The following CLCNKB variants were observed in gnomAD, a reference collection of about 807,000 sequenced individuals.
The protein encoded by CLCNKB is chloride voltage-gated channel Kb, also known as chloride channel protein ClC-Kb.
CLCNKB carries 74 observed loss-of-function variants against 83.8 expected under a neutral mutation model. That is an observed-to-expected ratio of 0.88 (90% CI 0.73 to 1.07). The LOEUF (loss-of-function observed/expected upper bound fraction) is 1.07, where lower values mean the gene tolerates loss of function less well. CLCNKB is among the 50% of genes least tolerant of loss of function. The probability of loss-of-function intolerance (pLI) is 0.00; values close to 1 mark genes in which losing one functional copy is unlikely to be tolerated. For synonymous variants in CLCNKB, 358 were observed against 356.6 expected (o/e 1.00, Z -0.04); for missense variants, 798 against 893.6 (o/e 0.89, Z 1.36).
In CLCNKB at chr1:16,057,306, A is replaced by G. The variant is rs1287596974; in HGVS notation, c.*390A>G. On this transcript the variant is annotated 3_prime_UTR_variant, in exon 20 of 20. Transcript: ENST00000375679. ...CCTGAGAAAAATAAAGCTGGTTCCC[A>G]GAGCTGGTGTCCATCCCTCATCTCA... The G allele has an allele frequency of 1.8e-6, 1 of 551,358 alleles. No individual in the cohort carries two copies. The highest frequency in any genetic ancestry group is 3.6e-6 in the Non-Finnish European group (1 of 280,052). 34.2% of individuals were successfully genotyped at this position (551,358 alleles called of 1,614,324 possible).
rs571234167 is a variant in CLCNKB at position 16,053,742 on chromosome 1, G to A, written c.1726G>A (p.Val576Met). ...GGTCAAGGTTGTGACCTCCACAGAC[G>A]TGGCCAAGTATCCCCTGGTGGAGAG... Reference protein sequence around the residue: ...EVVKVVTSTDVAKYPLVESTE... With the variant: ...EVVKVVTSTDMAKYPLVESTE... The change falls in exon 16 of 20, where the codon GTG becomes ATG. Residue 576 changes from valine to methionine, a missense_variant. Transcript: ENST00000375679. 6.8e-6 allele frequency: 11 copies of A among 1,613,920 alleles called. No homozygotes were observed. Among genetic ancestry groups the A allele is most frequent in the East Asian group, 2.2e-5 (1 of 44,874 alleles).
At position 16,048,377 on chromosome 1, in the gene CLCNKB, C is replaced by T. The variant is rs762220388; in HGVS notation, c.533C>T (p.Ala178Val). 17 of 1,613,920 alleles carry T rather than the reference C, an allele frequency of 1.1e-5. No homozygotes were observed. Among genetic ancestry groups the T allele is most frequent in the Non-Finnish European group, 1.3e-5 (15 of 1,180,024 alleles). ...PFVHLSVMMA[A>V]YLGRVRTTTI... ...GTGCACCTGTCTGTGATGATGGCTG[C>T]CTACCTGGGCCGTGTGCGCACCACG... Residue 178 changes from alanine (A) to valine (V), a missense_variant, in exon 6 of 20, where the codon GCC (alanine) becomes GTC (valine). Transcript: ENST00000375679.
chr1:16,054,887 A>G (rs1257727401), intron 16 of CLCNKB, among the ~76,000 whole-genome samples: 2 of 152,182 alleles, frequency 1.3e-5, no homozygotes, highest in African/African-American at 4.8e-5. Context: ...CTAGGTGTCA[A>G]GTTTTTATTC....
intron 3 of CLCNKB, among the ~76,000 whole-genome samples, chr1:16,046,230 A>C (rs1349579438): frequency 6.6e-6 from 1 of 152,214 alleles, no homozygotes; most frequent in African/African-American, 2.4e-5. Flanking sequence ...TTTAGTCTTT[A>C]ACGTCTTTAG....
rs781538663 is a variant in CLCNKB at position 16,051,752 on chromosome 1, T to C, written c.1340T>C (p.Ile447Thr). Residue 447 changes from isoleucine (I) to threonine (T), a missense_variant, in exon 14 of 20, where the codon ATC becomes ACC. Ile to Thr is a moderately conservative substitution (Grantham distance 89). Coordinates refer to ENST00000375679, the MANE Select transcript of CLCNKB (RefSeq NM_000085.5). ...CTCTTTGGGGAGACTCTCTCTTTTA[T>C]CTTCCCTGAGGGCATCGTGGCTGGA... ...GRLFGETLSFIFPEGIVAGGI... is the reference protein window; with the variant it reads ...GRLFGETLSFTFPEGIVAGGI... 9 of 1,613,802 alleles carry C rather than the reference T, an allele frequency of 5.6e-6. No homozygotes were observed. The African/African-American group carries it at 1.2e-4, about 22-fold the overall frequency.
chr1:16,053,991 T>A (rs2023370997), intron 16 of CLCNKB, among the ~76,000 whole-genome samples: 1 of 151,682 alleles, frequency 6.6e-6, no homozygotes, highest in Admixed American at 6.6e-5. Context: ...CTAAAGAGAG[T>A]CGGCCGGGTG....
chr1:16,053,552 TCAAG>T, intron 15 of CLCNKB, 83 bp from the exon 16 acceptor site: 2 of 1,600,684 alleles, frequency 1.2e-6, no homozygotes, highest in South Asian at 2.2e-5. Flanking sequence ...GGTCCCCGGT[TCAAG>T]CAAAGCTCCC....
At chr1:16,053,889 G>A in intron 16 of CLCNKB, 117 bp downstream of exon 16, 1 of 1,379,060 alleles carries the variant, frequency 7.3e-7, no homozygotes, top group Non-Finnish European at 1.0e-6. Flanking sequence ...AACCAACCGT[G>A]TGACCTTGGG....
At position 16,056,519 on chromosome 1, in the gene CLCNKB, C is replaced by T; in HGVS notation, c.2016+11C>T. ...GTGTCCTGGGTGGAGGTACCAGGGT[C>T]CCGGGGGCAGAGCAAAGCAGGGAAC... On this transcript the variant is annotated intron_variant, in intron 19 of 19. Transcript: ENST00000375679. 1.2e-6 allele frequency: 2 copies of T among 1,607,828 alleles called. No homozygotes were observed. Among genetic ancestry groups the T allele is most frequent in the Non-Finnish European group, 8.5e-7 (1 of 1,177,284 alleles).
At chr1:16,052,117 CT>C (rs2023312770) in intron 14 of CLCNKB, 80 bp from the exon 15 acceptor site, 6 of 1,561,656 alleles carry the variant, frequency 3.8e-6, no homozygotes, top group Non-Finnish European at 5.3e-6. Context: ...ACCTTAGCCC[CT>C]GGTCGCAGCC....
chr1:16,045,560 G>T lies in CLCNKB; in HGVS notation c.103G>T (p.Gly35Cys), dbSNP rs1392045264. Residue 35 changes from glycine to cysteine, a missense_variant and splice_region_variant, in exon 3 of 20, where the codon GGC becomes TGC. By Grantham distance (159) the Gly-to-Cys change is radical. Transcript: ENST00000375679. The stretch of plus-strand genomic sequence containing the variant: ...CGTGACCCCATGCCCTGCCCCAGGT[G>T]GCCTGGAGTGGCTGAAGCAGAAGCT... ...CPRIRRGIRGGLEWLKQKLFR... is the reference protein window; with the variant it reads ...CPRIRRGIRGCLEWLKQKLFR... 2 of 1,613,394 alleles carry T rather than the reference G, an allele frequency of 1.2e-6. No individual in the cohort carries two copies. The highest frequency in any genetic ancestry group is 2.2e-5 in the East Asian group (1 of 44,862).
rs2023407262 is a variant in CLCNKB, at chr1:16,055,450, T to C, written c.1772T>C (p.Val591Ala). The change falls in exon 17 of 20, where the codon GTG (valine) becomes GCG (alanine). Residue 591 changes from valine to alanine, a missense_variant. Val to Ala is a moderately conservative substitution (Grantham distance 64, BLOSUM62 0). Transcript: ENST00000375679. Reference sequence around the variant, plus strand: ...CACTTGCCAGAGTCCCAGATCCTGGTGGGCATAGTGCGAAGGGCCCAGCTG... The same window carrying C: ...CACTTGCCAGAGTCCCAGATCCTGGCGGGCATAGTGCGAAGGGCCCAGCTG... ...LVESTESQIL[V>A]GIVRRAQLVQ... 1.9e-6 allele frequency: 3 copies of C among 1,606,944 alleles called. No homozygotes were observed. Among genetic ancestry groups the C allele is most frequent in the Non-Finnish European group, 2.6e-6 (3 of 1,176,276 alleles).
intron 18 of CLCNKB, 39 bp downstream of exon 18, chr1:16,055,797 C>A: frequency 1.3e-6 from 2 of 1,588,150 alleles, no homozygotes; most frequent in Non-Finnish European, 8.6e-7. Flanking sequence ...CATGAGGCCT[C>A]TGGGTGGGGG....
At chr1:16,044,192 T>C (rs2023018833) in intron 1 of CLCNKB, among the ~76,000 whole-genome samples, 1 of 151,840 alleles carries the variant, frequency 6.6e-6, no homozygotes, top group Non-Finnish European at 1.5e-5. Flanking sequence ...GAAGGGGCTC[T>C]GAGCAGGGCT....
Position 16,049,824 on chromosome 1 carries a change from T to A in CLCNKB, c.876T>A (p.Cys292Ter), listed in dbSNP as rs7368151. 6.2e-7 allele frequency: 1 copy of A among 1,613,590 alleles called. No homozygotes were observed. Residue 292 changes from cysteine (C) to a stop codon, truncating the protein, a stop_gained, in exon 10 of 20, where the codon TGT becomes TGA. Coordinates refer to ENST00000375679, the MANE Select transcript of CLCNKB (RefSeq NM_000085.5). LOFTEE classifies it high-confidence loss of function. ...TCTCCATGCTCCCCAGGGGTCTCTG[T>A]GGCATCCTGGGCAGCGCTTACCTCT... Reference protein sequence around the residue: ...IFFFVALGGLCGILGSAYLFC... With the variant: ...IFFFVALGGL
intron 5 of CLCNKB, 87 bp from the exon 6 acceptor site, chr1:16,048,256 G>A: frequency 6.5e-7 from 1 of 1,547,500 alleles, no homozygotes; most frequent in Non-Finnish European, 8.9e-7. Flanking sequence ...ATGGAGGAGG[G>A]GGTGTTGGGG....
intron 11 of CLCNKB, 48 bp downstream of exon 11, chr1:16,050,648 T>G: frequency 6.3e-7 from 1 of 1,582,464 alleles, no homozygotes; most frequent in Non-Finnish European, 8.7e-7. Flanking sequence ...CCCTATTTGT[T>G]GCCTCCTTTG....
Position 16,049,106 on chromosome 1 carries a change from A to C in CLCNKB, c.656-14A>C, listed in dbSNP as rs13306241. On this transcript the variant is annotated splice_polypyrimidine_tract_variant and intron_variant, in intron 7 of 19. Coordinates refer to ENST00000375679, the MANE Select transcript of CLCNKB (RefSeq NM_000085.5). ...GGGGGTGGAGGGCCCACCTGAGATC[A>C]GTGTCGCCCCCAGGCGTCCTGTTCA... The C allele has an allele frequency of 6.2e-7, 1 of 1,613,604 alleles. No homozygotes were observed. Among genetic ancestry groups the C allele is most frequent in the East Asian group, 2.2e-5 (1 of 44,866 alleles).
intron 14 of CLCNKB, 85 bp downstream of exon 14, chr1:16,051,905 C>T (rs1290904755): frequency 4.0e-5 from 47 of 1,184,918 alleles, no homozygotes; most frequent in Admixed American, 5.3e-5. Flanking sequence ...CCCCAGGGCA[C>T]GGAGCAGTCA....
Sources: allele counts gnomAD v4.1 joint callset (sites outside exome capture counted in the v4.1 genomes callset), GRCh38; gene constraint gnomAD v4.1.1; transcripts MANE v1.5; gene names NCBI Gene and HGNC (gene_info 2026-07-23, HGNC 2026-07-21).